Variants in ENAH observed in about 807,000 individuals in gnomAD.
ENAH encodes the protein protein enabled homolog.
In ENAH, 23 loss-of-function variants were observed where a neutral mutation model predicts 78.7. That is an observed-to-expected ratio of 0.29 (90% confidence interval 0.21 to 0.41). The LOEUF (loss-of-function observed/expected upper bound fraction) is 0.41, where lower values mean the gene tolerates loss of function less well. Among genes scored for constraint, ENAH ranks in the 10% least tolerant of loss-of-function variants. ENAH has a pLI of 1.00. For synonymous variants in ENAH, 226 were observed against 241.0 expected (o/e 0.94, Z 0.58); for missense variants, 544 against 691.0 (o/e 0.79, Z 2.39).
intron 1 of ENAH, among the ~76,000 whole-genome samples, chr1:225,619,076 TG>T (rs1327793067): frequency 3.9e-5 from 6 of 152,016 alleles, no homozygotes; most frequent in Admixed American, 3.3e-4. Flanking sequence ...ATAAATACAC[TG>T]CATATACAAC....
At chr1:225,585,645 C>T (rs1256717980) in intron 1 of ENAH, among the ~76,000 whole-genome samples, 1 of 151,994 alleles carries the variant, frequency 6.6e-6, no homozygotes, top group Non-Finnish European at 1.5e-5. Flanking sequence ...CAAAATTAGC[C>T]GGGCGTGGTG....
intron 1 of ENAH, among the ~76,000 whole-genome samples, chr1:225,648,871 A>C (rs2148507068): frequency 6.6e-6 from 1 of 151,446 alleles, no homozygotes; most frequent in East Asian, 1.9e-4. Context: ...ATTTATGATT[A>C]CCACAAATAA....
At position 225,492,824 on chromosome 1, in the gene ENAH, C is replaced by G. The variant is rs918251319; in HGVS notation, c.*4951G>C. 3 of 142,186 alleles carry G rather than the reference C, an allele frequency of 2.1e-5. No homozygotes were observed. The highest frequency in any genetic ancestry group is 8.0e-5 in the African/African-American group (3 of 37,642). The allele number at this position is 142,186 out of a possible 1,614,324, so 8.8% of individuals were successfully genotyped here. A position where few individuals can be genotyped will look rare whatever the true frequency, so the allele number is the denominator to read the frequency against. On this transcript the variant is annotated 3_prime_UTR_variant, in exon 14 of 14. Transcript: ENST00000366843. The stretch of plus-strand genomic sequence containing the variant: ...ATAACCAATAAATGTGGCAGACATT[C>G]TTACAACATCCTAAGTCATTATGAC...
At chr1:225,500,582 T>G (rs535906703) in intron 12 of ENAH, among the ~76,000 whole-genome samples, 3 of 152,328 alleles carry the variant, frequency 2.0e-5, no homozygotes, top group Admixed American at 1.3e-4. Context: ...TTTGATTCTG[T>G]TTTTCCAAAC....
chr1:225,561,389 G>A (rs1392339992), intron 2 of ENAH, among the ~76,000 whole-genome samples: 6 of 151,516 alleles, frequency 4.0e-5, no homozygotes, highest in Non-Finnish European at 7.4e-5. Flanking sequence ...TTTGGGAGGC[G>A]GAGGCAAGCA....
At chr1:225,550,462 C>T (rs1028295499) in intron 3 of ENAH, among the ~76,000 whole-genome samples, 1 of 152,014 alleles carries the variant, frequency 6.6e-6, no homozygotes, top group Non-Finnish European at 1.5e-5. Context: ...GTGATATAAG[C>T]TTAATATTGT....
intron 1 of ENAH, among the ~76,000 whole-genome samples, chr1:225,576,267 C>T (rs1354057294): frequency 2.2e-5 from 3 of 138,742 alleles, no homozygotes; most frequent in Non-Finnish European, 4.6e-5. Flanking sequence ...CAGAGTGAGA[C>T]TCTGTCTCAA....
chr1:225,598,588 T>C (rs1242009136), intron 1 of ENAH, among the ~76,000 whole-genome samples: 1 of 151,156 alleles, frequency 6.6e-6, no homozygotes, highest in Non-Finnish European at 1.5e-5. Flanking sequence ...TAAGGGCAAA[T>C]GGCTAAGAAT....
intron 4 of ENAH, among the ~76,000 whole-genome samples, chr1:225,520,796 C>T (rs773799864): frequency 9.2e-5 from 14 of 151,876 alleles, no homozygotes; most frequent in African/African-American, 2.2e-4. Flanking sequence ...TCTGAGGCTA[C>T]AGTAAGATAA....
rs1169656813 is a variant in ENAH at position 225,494,389 on chromosome 1, C to A, written c.*3386G>T. 6.6e-6 allele frequency: 1 copy of A among 152,088 alleles called. No individual in the cohort carries two copies. The highest frequency in any genetic ancestry group is 1.5e-5 in the Non-Finnish European group (1 of 67,988). 9.4% of individuals were successfully genotyped at this position (152,088 alleles called of 1,614,324 possible). A position where few individuals can be genotyped will look rare whatever the true frequency, so the allele number is the denominator to read the frequency against. The stretch of plus-strand genomic sequence containing the variant: ...TTTGCTATACTTAAAATTCATTACT[C>A]AATAATGCCCTTTACCACACAATGT... On this transcript the variant is annotated 3_prime_UTR_variant, in exon 14 of 14. Transcript: ENST00000366843.
chr1:225,490,899 G>A lies in ENAH; in HGVS notation c.*6876C>T, dbSNP rs1165008979. The A allele has an allele frequency of 3.3e-5, 5 of 152,194 alleles. No individual in the cohort carries two copies. The highest frequency in any genetic ancestry group is 1.9e-4 in the East Asian group (1 of 5,194). The allele number at this position is 152,194 out of a possible 1,614,324, so 9.4% of individuals were successfully genotyped here. A position where few individuals can be genotyped will look rare whatever the true frequency, so the allele number is the denominator to read the frequency against. On this transcript the variant is annotated 3_prime_UTR_variant, in exon 14 of 14. Transcript: ENST00000366843. ...AAATTCATCACCTCAGACTCACTGT[G>A]ATGCCCAACCACTGGCACTGGGGTG...
At chr1:225,635,583 G>A (rs571143483) in intron 1 of ENAH, among the ~76,000 whole-genome samples, 10 of 152,282 alleles carry the variant, frequency 6.6e-5, no homozygotes, top group African/African-American at 2.4e-4. Context: ...GACCACTGTG[G>A]TCCATACTCA....
intron 1 of ENAH, among the ~76,000 whole-genome samples, chr1:225,651,761 T>C (rs1280275025): frequency 6.6e-6 from 1 of 152,110 alleles, no homozygotes; most frequent in African/African-American, 2.4e-5. Context: ...GAGAAGGTTA[T>C]GGACACAGAA....
Position 225,554,914 on chromosome 1 carries a change from T to C in ENAH, c.341A>G (p.Gln114Arg). 1 of 1,533,984 alleles carries C rather than the reference T, an allele frequency of 6.5e-7. No individual in the cohort carries two copies. Among genetic ancestry groups the C allele is most frequent in the Non-Finnish European group, 8.9e-7 (1 of 1,122,914 alleles). The change falls in exon 3 of 14, where the codon CAG becomes CGG. Residue 114 changes from glutamine to arginine, a missense_variant. Around this residue, in one of 4 missense-constraint regions of ENAH, gnomAD observed 77 missense variants for 151.8 expected, o/e 0.51. Transcript: ENST00000366843. ...MMHALEVLNS[Q>R]ETGPTLPRQN... is the part of the protein sequence containing the mutation. ...AACCATGGGCACCTTACCTGTTTCC[T>C]GTGAATTTAACACTTCTAAGGCATG...
intron 1 of ENAH, among the ~76,000 whole-genome samples, chr1:225,581,719 G>C (rs2096819047): frequency 6.6e-6 from 1 of 151,880 alleles, no homozygotes. Context: ...TCTGAGACAG[G>C]GTTTCACTCC....
intron 1 of ENAH, among the ~76,000 whole-genome samples, chr1:225,652,129 A>G (rs1236076834): frequency 6.6e-6 from 1 of 150,694 alleles, no homozygotes; most frequent in Non-Finnish European, 1.5e-5. Flanking sequence ...ACGTGAACCT[A>G]ATCAATTCTT....
chr1:225,616,529 T>C (rs547075516), intron 1 of ENAH, among the ~76,000 whole-genome samples: 21 of 152,198 alleles, frequency 1.4e-4, no homozygotes, highest in African/African-American at 4.8e-4. Flanking sequence ...TATGTTGATG[T>C]ATGGTTGAAA....
rs579489 is a variant in ENAH, at chr1:225,573,715, G to A, written c.6-6301C>T. On this transcript the variant is annotated intron_variant, in intron 1 of 13. Coordinates refer to ENST00000366843, the MANE Select transcript of ENAH (RefSeq NM_018212.6). ...CTGTAGATAGACAGGATGCAAAAGA[G>A]GAGGCAATCAAAAGGAGGAAAAAAA... Among the ~76,000 whole-genome samples, 226 of 152,234 alleles carry A rather than the reference G, an allele frequency of 1.5e-3. 1 individual carries two copies. Among genetic ancestry groups the A allele is most frequent in the Non-Finnish European group, 2.5e-3 (167 of 68,016 alleles).
At chr1:225,593,077 A>G (rs996733879) in intron 1 of ENAH, among the ~76,000 whole-genome samples, 1 of 152,152 alleles carries the variant, frequency 6.6e-6, no homozygotes, top group East Asian at 1.9e-4. Flanking sequence ...TAGACTAGCT[A>G]TAACTACCAT....
Sources: allele counts gnomAD v4.1 joint callset (sites outside exome capture counted in the v4.1 genomes callset), GRCh38; gene constraint gnomAD v4.1.1; regional missense constraint gnomAD v4.1.1; transcripts MANE v1.5; gene names NCBI Gene and HGNC (gene_info 2026-07-23, HGNC 2026-07-21).